The following SLC4A5 variants were observed in gnomAD, a reference collection of about 807,000 sequenced individuals.
SLC4A5 encodes the protein electrogenic sodium bicarbonate cotransporter 4.
In SLC4A5, 96 loss-of-function variants were observed where a neutral mutation model predicts 120.4. The ratio of observed to expected loss-of-function variants is 0.80; its 90% CI spans 0.68 to 0.94. The LOEUF (loss-of-function observed/expected upper bound fraction) is 0.94. Among genes scored for constraint, SLC4A5 ranks in the 40% least tolerant of loss-of-function variants. The pLI is 0.00. For missense variants in SLC4A5, 1,259 were observed against 1,459.5 expected, an observed-to-expected ratio of 0.86 and a Z score of 2.24; for synonymous variants, 550 against 571.1, an observed-to-expected ratio of 0.96 and a Z score of 0.53.
intron 25 of SLC4A5, among the ~76,000 whole-genome samples, chr2:74,228,210 G>T (rs747834175): frequency 6.6e-5 from 10 of 152,204 alleles, no homozygotes; most frequent in Non-Finnish European, 1.5e-4. Flanking sequence ...CCTCATTCCT[G>T]CCCAGCTTCT....
chr2:74,275,249 A>G (rs1483498105), intron 8 of SLC4A5, among the ~76,000 whole-genome samples: 1 of 152,196 alleles, frequency 6.6e-6, no homozygotes, highest in Non-Finnish European at 1.5e-5. Flanking sequence ...TCCCAAGCTC[A>G]TGCATTTGGT....
At chr2:74,258,676 A>AT (rs1448288285) in intron 12 of SLC4A5, among the ~76,000 whole-genome samples, 1 of 152,242 alleles carries the variant, frequency 6.6e-6, no homozygotes, top group Non-Finnish European at 1.5e-5. Context: ...GTGTTCTCTC[A>AT]TGAGTAAAAT....
intron 5 of SLC4A5, among the ~76,000 whole-genome samples, chr2:74,326,374 T>G (rs980151719): frequency 1.3e-5 from 2 of 152,202 alleles, no homozygotes; most frequent in Admixed American, 1.3e-4. Flanking sequence ...CTTTAGATCA[T>G]AGATCGCCTT....
exon 25 of SLC4A5, chr2:74,231,304 G>C (rs1670073154): frequency 3.1e-6 from 5 of 1,610,884 alleles, no homozygotes; most frequent in Non-Finnish European, 2.5e-6. Context: ...GTTACTCTCT[G>C]TTCCCTGGCA....
exon 31 of SLC4A5, chr2:74,217,274 A>C (rs956269662): frequency 1.3e-5 from 2 of 152,234 alleles, no homozygotes; most frequent in African/African-American, 4.8e-5. Context: ...TGTCAGATGC[A>C]CTGTGGCTGT....
At chr2:74,216,910 G>C (rs1694462739) in exon 31 of SLC4A5, 1 of 152,188 alleles carries the variant, frequency 6.6e-6, no homozygotes, top group Non-Finnish European at 1.5e-5. Flanking sequence ...TGTCTGACAA[G>C]AATTTATACT....
intron 20 of SLC4A5, among the ~76,000 whole-genome samples, chr2:74,240,341 G>A (rs1158475279): frequency 6.6e-6 from 1 of 152,068 alleles, no homozygotes; most frequent in Admixed American, 6.5e-5. Context: ...CAAGATTGAT[G>A]TACACATTTG....
At chr2:74,256,077 C>G in intron 12 of SLC4A5, 145 bp from the exon 13 acceptor site, 2 of 883,712 alleles carry the variant, frequency 2.3e-6, no homozygotes, top group Non-Finnish European at 3.4e-6. Flanking sequence ...AAGTACTCCT[C>G]CGATTCTGCA....
At position 74,250,528 on chromosome 2, in the gene SLC4A5, C is replaced by T; in HGVS notation, c.1479-11G>A. On this transcript the variant is annotated splice_polypyrimidine_tract_variant and intron_variant, in intron 16 of 30. Coordinates refer to ENST00000394019, the Ensembl canonical transcript of SLC4A5. ...AGGCCACCGAAGAACCTGCTCAAGA[C>T]AGGCCCAGGGGCTGCTTTCTCACCA... The T allele has an allele frequency of 3.7e-6, 6 of 1,614,090 alleles. No individual in the cohort carries two copies. Among genetic ancestry groups the T allele is most frequent in the Non-Finnish European group, 5.1e-6 (6 of 1,179,960 alleles).
At chr2:74,236,873 C>T (rs529531315) in intron 21 of SLC4A5, among the ~76,000 whole-genome samples, 2 of 152,276 alleles carry the variant, frequency 1.3e-5, no homozygotes, top group East Asian at 1.9e-4. Flanking sequence ...CCATCTCCAA[C>T]ATCTGGTGTC....
intron 7 of SLC4A5, among the ~76,000 whole-genome samples, chr2:74,303,807 C>G (rs1376698131): frequency 6.6e-5 from 10 of 152,034 alleles, no homozygotes; most frequent in Non-Finnish European, 1.5e-4. Flanking sequence ...CTTCAATTTA[C>G]TGAGCACAAT....
intron 30 of SLC4A5, among the ~76,000 whole-genome samples, chr2:74,221,223 G>A (rs1694632862): frequency 6.6e-6 from 1 of 152,152 alleles, no homozygotes; most frequent in African/African-American, 2.4e-5. Flanking sequence ...TTTGTGTGTT[G>A]TAACCATGTT....
intron 8 of SLC4A5, among the ~76,000 whole-genome samples, chr2:74,268,735 A>G (rs1352917721): frequency 6.6e-6 from 1 of 152,198 alleles, no homozygotes; most frequent in African/African-American, 2.4e-5. Flanking sequence ...ATTTCCCTAA[A>G]GTCTCCCAGA....
At chr2:74,300,985 T>C (rs1672462977) in intron 7 of SLC4A5, among the ~76,000 whole-genome samples, 1 of 152,154 alleles carries the variant, frequency 6.6e-6, no homozygotes, top group Non-Finnish European at 1.5e-5. Flanking sequence ...CAAATTTCTT[T>C]AGGATAGTGT....
rs149583675 is a variant in SLC4A5, at chr2:74,266,006, T to A, written c.402-742A>T. Among the ~76,000 whole-genome samples the A allele has an allele frequency of 3.0e-4, 46 of 152,292 alleles. No individual in the cohort carries two copies. In the East Asian group the frequency reaches 7.3e-3, roughly 24 times the overall value. On this transcript the variant is annotated intron_variant, in intron 8 of 30. Coordinates refer to ENST00000394019, the Ensembl canonical transcript of SLC4A5. ...AAGATGTCAACCACAAATGCATGGG[T>A]AGCTCCAATCTATTGCAACTGAAAT...
chr2:74,234,983 A>G, intron 22 of SLC4A5, 118 bp downstream of exon 22: 1 of 772,440 alleles, frequency 1.3e-6, no homozygotes, highest in Non-Finnish European at 2.1e-6. Flanking sequence ...TGGCACACAG[A>G]GAACTAAAAT....
At chr2:74,315,795 T>G (rs1672950008) in intron 5 of SLC4A5, among the ~76,000 whole-genome samples, 1 of 151,724 alleles carries the variant, frequency 6.6e-6, no homozygotes, top group Non-Finnish European at 1.5e-5. Context: ...AGACTCTATC[T>G]CTACGAAAAA....
intron 7 of SLC4A5, among the ~76,000 whole-genome samples, chr2:74,291,444 T>A (rs991314487): frequency 6.6e-5 from 10 of 152,078 alleles, no homozygotes; most frequent in Non-Finnish European, 1.2e-4. Context: ...GATGGTCAAG[T>A]CCAAACCCTT....
rs1672704399 is a variant in SLC4A5, at chr2:74,308,148, C to T, written c.80-3468G>A. On this transcript the variant is annotated intron_variant, in intron 6 of 30. Transcript: ENST00000394019. ...CTCCTATTGAAGGACATCTTGGTGG[C>T]CTCCAGTTTTGGTGATAATGAATAG... The T allele has an allele frequency of 9.4e-6, 3 of 320,056 alleles. No individual in the cohort carries two copies. The East Asian group carries it at 2.7e-4, about 28-fold the overall frequency. The allele number at this position is 320,056 out of a possible 1,614,324, so 19.8% of individuals were successfully genotyped here. A position where few individuals can be genotyped will look rare whatever the true frequency, so the allele number is the denominator to read the frequency against.
Sources: allele counts gnomAD v4.1 joint callset (sites outside exome capture counted in the v4.1 genomes callset), GRCh38; gene constraint gnomAD v4.1.1; transcripts MANE v1.5; gene names NCBI Gene and HGNC (gene_info 2026-07-23, HGNC 2026-07-21).